Variants in CELF1 observed in about 807,000 individuals in gnomAD.
CELF1 encodes the protein 50 kDa nuclear polyadenylated RNA-binding protein.
In CELF1, 10 loss-of-function variants were observed where a neutral mutation model predicts 61.8. That is an observed-to-expected ratio of 0.16 (90% confidence interval 0.10 to 0.27). The LOEUF (loss-of-function observed/expected upper bound fraction) is 0.27. Ranked by LOEUF, CELF1 falls within the 10% of genes least tolerant of loss-of-function variation. The pLI, the probability that CELF1 is intolerant of heterozygous loss-of-function variation, is 1.00. For synonymous variants in CELF1, 236 were observed against 225.1 expected, an observed-to-expected ratio of 1.05 and a Z score of -0.43; for missense variants, 380 against 639.1, an observed-to-expected ratio of 0.59 and a Z score of 4.37.
rs1242884192 is a variant in CELF1, at chr11:47,534,021, CCTTTTT to C, written c.-154+18965_-154+18970del. On this transcript the variant is annotated intron_variant, in intron 1 of 14. Transcript: ENST00000687097. ...AAGTTATATTTAGCATTTTTTCTTTCCTTTTTTTTTTTTTTTTTTTTTTGGACATAG... is the reference window on the plus strand; with the variant it reads ...AAGTTATATTTAGCATTTTTTCTTTCTTTTTTTTTTTTTTTTTGGACATAG... Among the ~76,000 whole-genome samples the C allele has an allele frequency of 4.6e-4, 45 of 98,500 alleles. 1 individual carries two copies. The highest frequency in any genetic ancestry group is 1.5e-3 in the African/African-American group (45 of 29,134). 64.6% of individuals were successfully genotyped at this position (98,500 alleles called of 152,430 possible).
chr11:47,499,154 G>C (rs1181265255), intron 3 of CELF1, among the ~76,000 whole-genome samples: 3 of 152,098 alleles, frequency 2.0e-5, no homozygotes, highest in Non-Finnish European at 4.4e-5. Flanking sequence ...AAAATACCTT[G>C]TAATCTATCA....
rs1330910462 is a variant in CELF1 at position 47,469,465 on chromosome 11, T to C, written c.*2765A>G. ...AAACAAAACTACAGCAGAAAACACATTGTAAGTGAAACCTTCACACAACAG... is the reference window on the plus strand; with the variant it reads ...AAACAAAACTACAGCAGAAAACACACTGTAAGTGAAACCTTCACACAACAG... On this transcript the variant is annotated 3_prime_UTR_variant, in exon 15 of 15. Transcript: ENST00000687097. 1 of 152,278 alleles carries C rather than the reference T, an allele frequency of 6.6e-6. No homozygotes were observed. The highest frequency in any genetic ancestry group is 1.5e-5 in the Non-Finnish European group (1 of 68,062). 9.4% of individuals were successfully genotyped at this position (152,278 alleles called of 1,614,324 possible).
chr11:47,524,836 T>C (rs1345733622), intron 1 of CELF1: 1 of 152,188 alleles, frequency 6.6e-6, no homozygotes, highest in Non-Finnish European at 1.5e-5. Flanking sequence ...GAAAGCCCAA[T>C]TATCTCACAC....
intron 1 of CELF1, among the ~76,000 whole-genome samples, chr11:47,548,561 G>A (rs1165612718): frequency 2.0e-5 from 3 of 151,994 alleles, no homozygotes; most frequent in Non-Finnish European, 4.4e-5. Flanking sequence ...TATCTAATAA[G>A]GGGTTAATAT....
intron 1 of CELF1, among the ~76,000 whole-genome samples, chr11:47,537,151 C>T (rs1376041098): frequency 6.6e-6 from 1 of 152,050 alleles, no homozygotes; most frequent in Admixed American, 6.6e-5. Flanking sequence ...AAAACTGAGC[C>T]AAAATCAGAG....
At chr11:47,539,099 T>C (rs1472246647) in intron 1 of CELF1, among the ~76,000 whole-genome samples, 5 of 152,204 alleles carry the variant, frequency 3.3e-5, no homozygotes, top group Non-Finnish European at 7.3e-5. Flanking sequence ...ACTGAATCCA[T>C]ATGCCTCACA....
In CELF1 at chr11:47,466,522, T is replaced by TA. The variant is rs1565701445; in HGVS notation, c.*5707dup. On this transcript the variant is annotated 3_prime_UTR_variant, in exon 15 of 15. Coordinates refer to ENST00000687097, the MANE Select transcript of CELF1 (RefSeq NM_001376376.1). Reference sequence around the variant, plus strand: ...GTGTTAAATACAACGTTTGTACCAATAAAAAACTCACACAGGTTTGTCTCC... The same window carrying TA: ...GTGTTAAATACAACGTTTGTACCAATAAAAAAACTCACACAGGTTTGTCTCC... 6.6e-6 allele frequency: 1 copy of TA among 151,900 alleles called. No homozygotes were observed. The highest frequency in any genetic ancestry group is 2.1e-4 in the South Asian group (1 of 4,812). 9.4% of individuals were successfully genotyped at this position (151,900 alleles called of 1,614,324 possible). A position where few individuals can be genotyped will look rare whatever the true frequency, so the allele number is the denominator to read the frequency against.
intron 1 of CELF1, among the ~76,000 whole-genome samples, chr11:47,535,077 A>G (rs1352667170): frequency 6.6e-6 from 1 of 152,152 alleles, no homozygotes; most frequent in Admixed American, 6.5e-5. Flanking sequence ...GCAAACTTAT[A>G]CCAGACAAAT....
chr11:47,473,162 A>G lies in CELF1; in HGVS notation c.1343T>C (p.Met448Thr). 1 of 1,614,124 alleles carries G rather than the reference A, an allele frequency of 6.2e-7. No individual in the cohort carries two copies. The highest frequency in any genetic ancestry group is 1.7e-5 in the Admixed American group (1 of 60,022). Residue 448 changes from methionine to threonine, a missense_variant, in exon 14 of 15, where the codon ATG becomes ACG. Physicochemically the swap from Met to Thr is moderately conservative, Grantham distance 81. Coordinates refer to ENST00000687097, the MANE Select transcript of CELF1 (RefSeq NM_001376376.1). ...QEFGDQDLLQ[M>T]FMPFGNVVSA... The stretch of plus-strand genomic sequence containing the variant: ...CACGACATTCCCAAAGGGCATAAAC[A>G]TCTGCAGCAGGTCCTGATCACCAAA...
intron 3 of CELF1, among the ~76,000 whole-genome samples, chr11:47,498,869 G>GGGTAAAGGACA (rs1342990767): frequency 6.6e-6 from 1 of 152,016 alleles, no homozygotes; most frequent in Non-Finnish European, 1.5e-5. Context: ...TTTTTTTGGA[G>GGGTAAAGGACA]GGTAAAGGAC....
intron 1 of CELF1, among the ~76,000 whole-genome samples, chr11:47,520,646 C>CA (rs1182862562): frequency 1.3e-5 from 2 of 151,896 alleles, no homozygotes; most frequent in African/African-American, 2.4e-5. Flanking sequence ...TACCTCTACC[C>CA]AAAAAATACA....
chr11:47,475,415 A>G lies in CELF1; in HGVS notation c.1194T>C (p.Ala398=). ...TQAYSGIQQY[A]AAALPTLYNQ... ...TGTACAGAGTGGGGAGCGCAGCAGC[A>G]GCATATTGCTGGATACCCGAGTAGG... is the stretch of plus-strand genomic sequence containing the variant. The change falls in exon 13 of 15, where the codon GCT becomes GCC. Residue 398 remains alanine (A), a synonymous_variant. Transcript: ENST00000687097. 6.2e-7 allele frequency: 1 copy of G among 1,614,126 alleles called. No homozygotes were observed. The highest frequency in any genetic ancestry group is 8.5e-7 in the Non-Finnish European group (1 of 1,180,040).
At chr11:47,509,022 G>A (rs1476627029) in intron 1 of CELF1, among the ~76,000 whole-genome samples, 2 of 152,148 alleles carry the variant, frequency 1.3e-5, no homozygotes, top group South Asian at 4.1e-4. Context: ...GCCCACCTCC[G>A]CCTCCCAATG....
chr11:47,479,019 C>T, intron 9 of CELF1, 67 bp from the exon 10 acceptor site: 2 of 1,331,952 alleles, frequency 1.5e-6, no homozygotes, highest in Non-Finnish European at 2.1e-6. Flanking sequence ...TGGGATAACT[C>T]TACAGCACAG....
chr11:47,510,093 A>C (rs1161492281), intron 1 of CELF1, among the ~76,000 whole-genome samples: 1 of 151,922 alleles, frequency 6.6e-6, no homozygotes, highest in Non-Finnish European at 1.5e-5. Context: ...GGAAGTAGGG[A>C]GAGTGGTGAG....
chr11:47,534,022 C>CTTTTTTTTTTTTTTTTT (rs71042679), intron 1 of CELF1, among the ~76,000 whole-genome samples: 1 of 87,584 alleles, frequency 1.1e-5, no homozygotes, highest in Non-Finnish European at 2.1e-5. Context: ...TTTTTCTTTC[C>CTTTTTTTTTTTTTTTTT]TTTTTTTTTT....
At chr11:47,503,912 C>T (rs146800193) in intron 1 of CELF1, among the ~76,000 whole-genome samples, 28 of 152,320 alleles carry the variant, frequency 1.8e-4, no homozygotes, top group African/African-American at 6.3e-4. Flanking sequence ...ACAGGCTTCA[C>T]GCCTATATTC....
At chr11:47,521,781 T>C (rs1047594527) in intron 1 of CELF1, among the ~76,000 whole-genome samples, 1 of 152,200 alleles carries the variant, frequency 6.6e-6, no homozygotes, top group African/African-American at 2.4e-5. Flanking sequence ...CTCTTCAAAA[T>C]AAAGTACCTG....
chr11:47,548,689 A>T (rs2097051150), intron 1 of CELF1, among the ~76,000 whole-genome samples: 1 of 151,912 alleles, frequency 6.6e-6, no homozygotes, highest in Admixed American at 6.6e-5. Context: ...AACATGGTGA[A>T]ACTCCCTCTC....
Sources: allele counts gnomAD v4.1 joint callset (sites outside exome capture counted in the v4.1 genomes callset), GRCh38; gene constraint gnomAD v4.1.1; transcripts MANE v1.5; gene names NCBI Gene and HGNC (gene_info 2026-07-23, HGNC 2026-07-21).